The following CHEK2 variants were observed in gnomAD, a reference collection of about 807,000 sequenced individuals.
CHEK2 encodes the protein serine/threonine-protein kinase Chk2.
CHEK2 carries 71 observed loss-of-function variants against 69.1 expected under a neutral mutation model. The observed-to-expected ratio is 1.03, with a 90% CI of 0.85 to 1.25. The LOEUF is 1.25. CHEK2 is among the 50% of genes most tolerant of loss of function. CHEK2 has a pLI of 0.00. For missense variants in CHEK2, 664 were observed against 649.6 expected (o/e 1.02, Z -0.24); for synonymous variants, 189 against 226.9 (o/e 0.83, Z 1.50).
rs761306535 is a variant in CHEK2 at position 28,710,015 on chromosome 22, C to T, written c.837G>A (p.Lys279=). Residue 279 remains lysine, a synonymous_variant, in exon 7 of 15, where the codon AAG becomes AAA. Transcript: ENST00000404276. ...NVETEIEILK[K]LNHPCIIKIK... is the part of the protein sequence containing the mutation. Reference sequence around the variant, plus strand: ...ATATAATAATACTTACATGATTTAGCTTTTTCAAAATTTCTATTTCTGTTT... The same window carrying T: ...ATATAATAATACTTACATGATTTAGTTTTTTCAAAATTTCTATTTCTGTTT... 1 of 1,540,636 alleles carries T rather than the reference C, an allele frequency of 6.5e-7. No homozygotes were observed. The highest frequency in any genetic ancestry group is 1.1e-5 in the South Asian group (1 of 89,298).
chr22:28,710,023 A>G lies in CHEK2; in HGVS notation c.829T>C (p.Leu277=), dbSNP rs767199070. Residue 277 remains leucine (L), a synonymous_variant, in exon 7 of 15, where the codon TTG becomes CTG. Transcript: ENST00000404276. ...ATACTTACATGATTTAGCTTTTTCA[A>G]AATTTCTATTTCTGTTTCAACATTG... ...ALNVETEIEI[L]KKLNHPCIIK... is the part of the protein sequence containing the mutation. 2 of 1,551,882 alleles carry G rather than the reference A, an allele frequency of 1.3e-6. No homozygotes were observed. Among genetic ancestry groups the G allele is most frequent in the South Asian group, 2.2e-5 (2 of 89,610 alleles).
In CHEK2 at chr22:28,687,973, C is replaced by T. The variant is rs587780180; in HGVS notation, c.1556G>A (p.Arg519Gln). 3.6e-5 allele frequency: 57 copies of T among 1,595,820 alleles called. No individual in the cohort carries two copies. Among genetic ancestry groups the T allele is most frequent in the Non-Finnish European group, 4.5e-5 (53 of 1,179,474 alleles). ...GGCTTCCCCTTCACGGGGCCGCTTT[C>T]GACTAGTAGAAGGCTGAAAATAAAG... is the stretch of plus-strand genomic sequence containing the variant. ...PQVLAQPSTSRKRPREGEAEG... is the reference protein window; with the variant it reads ...PQVLAQPSTSQKRPREGEAEG... Residue 519 changes from arginine to glutamine, a missense_variant, in exon 15 of 15, where the codon CGA becomes CAA. Transcript: ENST00000404276.
chr22:28,691,128 G>A (rs1292578185), intron 13 of CHEK2, among the ~76,000 whole-genome samples: 1 of 152,120 alleles, frequency 6.6e-6, no homozygotes, highest in Non-Finnish European at 1.5e-5. Flanking sequence ...CCATCTCTTG[G>A]CAGCCCTTCA....
chr22:28,711,987 G>A lies in CHEK2; in HGVS notation c.714C>T (p.Phe238=), dbSNP rs864622322. ...SGACGEVKLA[F]ERKTCKKVAI... ...CTACTTTCTTACATGTTTTCCTCTCGAAAGCCAGCTTTACCTCTCCACAGG... is the reference window on the plus strand; with the variant it reads ...CTACTTTCTTACATGTTTTCCTCTCAAAAGCCAGCTTTACCTCTCCACAGG... The change falls in exon 6 of 15, where the codon TTC becomes TTT. Residue 238 remains phenylalanine (F), a synonymous_variant. Coordinates refer to ENST00000404276, the MANE Select transcript of CHEK2 (RefSeq NM_007194.4). The A allele has an allele frequency of 1.5e-5, 24 of 1,613,466 alleles. No individual in the cohort carries two copies. Among genetic ancestry groups the A allele is most frequent in the East Asian group, 1.1e-4 (5 of 44,840 alleles).
At chr22:28,722,961 CAT>C (rs1223212694) in intron 4 of CHEK2, among the ~76,000 whole-genome samples, 1 of 152,156 alleles carries the variant, frequency 6.6e-6, no homozygotes, top group Non-Finnish European at 1.5e-5. Context: ...GTCGCACACA[CAT>C]AGACACCCTC....
intron 1 of CHEK2, among the ~76,000 whole-genome samples, chr22:28,735,850 C>G (rs565090110): frequency 5.3e-5 from 8 of 151,390 alleles, no homozygotes; most frequent in Admixed American, 4.0e-4. Flanking sequence ...CCACTGCACT[C>G]CAGCCTGGGT....
intron 2 of CHEK2, among the ~76,000 whole-genome samples, chr22:28,731,619 A>C (rs1455658141): frequency 6.6e-6 from 1 of 152,048 alleles, no homozygotes; most frequent in Non-Finnish European, 1.5e-5. Context: ...AATAATAATG[A>C]TAAACAGTCT....
In CHEK2 at chr22:28,724,809, A is replaced by G. The variant is rs3788408; in HGVS notation, c.592+168T>C. ...TCGAACTCCTGACCTCAGGTGATCC[A>G]TCCGCCTCAGCCTCCCAAAGTGCTG... On this transcript the variant is annotated intron_variant, in intron 4 of 14. Transcript: ENST00000404276. 0.094 allele frequency: 67,794 copies of G among 721,986 alleles called. 3,674 individuals are homozygous for G. The highest frequency in any genetic ancestry group is 0.11 in the East Asian group (3,998 of 35,008). 44.7% of individuals were successfully genotyped at this position (721,986 alleles called of 1,614,324 possible). A position where few individuals can be genotyped will look rare whatever the true frequency, so the allele number is the denominator to read the frequency against.
rs11453597 is a variant in CHEK2 at position 28,707,830 on chromosome 22, C to CTTTTT, written c.846+2171_846+2175dup. On this transcript the variant is annotated intron_variant, in intron 7 of 14. Transcript: ENST00000404276. Reference sequence around the variant, plus strand: ...AAATTCCCTGAGCATTTGTGTTTATCTTTTTTTTTTTTTTTTTTTTTTGTG... The same window carrying CTTTTT: ...AAATTCCCTGAGCATTTGTGTTTATCTTTTTTTTTTTTTTTTTTTTTTTTTTTGTG... Among the ~76,000 whole-genome samples, 343 of 102,398 alleles carry CTTTTT rather than the reference C, an allele frequency of 3.3e-3. 3 individuals are homozygous for CTTTTT. The highest frequency in any genetic ancestry group is 7.4e-3 in the Middle Eastern group (1 of 136). 67.2% of individuals were successfully genotyped at this position (102,398 alleles called of 152,430 possible). A position where few individuals can be genotyped will look rare whatever the true frequency, so the allele number is the denominator to read the frequency against.
intron 1 of CHEK2, among the ~76,000 whole-genome samples, chr22:28,741,315 C>A (rs1026239925): frequency 6.6e-6 from 1 of 151,272 alleles, no homozygotes; most frequent in Non-Finnish European, 1.5e-5. Flanking sequence ...GCCCTCCTAC[C>A]CACTTCTGGC....
chr22:28,690,222 T>G (rs1357382816), intron 13 of CHEK2, among the ~76,000 whole-genome samples: 1 of 152,214 alleles, frequency 6.6e-6, no homozygotes, highest in Non-Finnish European at 1.5e-5. Context: ...TTGGGCATGG[T>G]GGCTCATGCC....
chr22:28,716,177 A>G (rs1325176897), intron 5 of CHEK2, among the ~76,000 whole-genome samples: 2 of 148,192 alleles, frequency 1.3e-5, no homozygotes, highest in Non-Finnish European at 3.0e-5. Context: ...CCAGCCTCAT[A>G]CATTTCTTTT....
intron 7 of CHEK2, chr22:28,709,046 C>T (rs529133259): frequency 1.1e-5 from 4 of 362,012 alleles, no homozygotes; most frequent in East Asian, 2.0e-4. Flanking sequence ...GAGTTTAATG[C>T]CATTGCCTAA....
At chr22:28,708,230 T>G (rs2053230865) in intron 7 of CHEK2, among the ~76,000 whole-genome samples, 2 of 152,002 alleles carry the variant, frequency 1.3e-5, no homozygotes, top group Admixed American at 6.6e-5. Flanking sequence ...GTGTGGCACA[T>G]GCCTATAGTC....
chr22:28,710,155 G>T, intron 6 of CHEK2, 96 bp from the exon 7 acceptor site: 1 of 818,316 alleles, frequency 1.2e-6, no homozygotes, highest in Non-Finnish European at 2.0e-6. Context: ...AAGGCTGCCT[G>T]AGTTCCAAAC....
chr22:28,695,260 G>A lies in CHEK2; in HGVS notation c.1260-18C>T, dbSNP rs1057521375. Reference sequence around the variant, plus strand: ...CACTAAGGCTTAATATTGGTAGAGAGAGAAAGGAAAAGAAATCAAGTGGCA... The same window carrying A: ...CACTAAGGCTTAATATTGGTAGAGAAAGAAAGGAAAAGAAATCAAGTGGCA... On this transcript the variant is annotated intron_variant, in intron 11 of 14. Transcript: ENST00000404276. 11 of 1,415,174 alleles carry A rather than the reference G, an allele frequency of 7.8e-6. No individual in the cohort carries two copies. The Admixed American group carries it at 1.2e-4, about 15-fold the overall frequency. The allele number at this position is 1,415,174 out of a possible 1,614,324, so 87.7% of individuals were successfully genotyped here. A position where few individuals can be genotyped will look rare whatever the true frequency, so the allele number is the denominator to read the frequency against.
rs186895303 is a variant in CHEK2, at chr22:28,736,547, C to T, written c.-6-1820G>A. On this transcript the variant is annotated intron_variant, in intron 1 of 14. Transcript: ENST00000404276. ...CTTTTCAGCATCCTAAATGGCCTTC[C>T]GGCCTTGATGTAATCTTGCAGGAAC... Among the ~76,000 whole-genome samples, 69 of 152,342 alleles carry T rather than the reference C, an allele frequency of 4.5e-4. 1 individual carries two copies. The highest frequency in any genetic ancestry group is 1.9e-3 in the South Asian group (9 of 4,832).
chr22:28,718,143 A>G (rs1016233627), intron 5 of CHEK2, among the ~76,000 whole-genome samples: 2 of 152,190 alleles, frequency 1.3e-5, no homozygotes, highest in Non-Finnish European at 2.9e-5. Context: ...CACCTCAAAC[A>G]CATCAAAAAT....
intron 5 of CHEK2, among the ~76,000 whole-genome samples, chr22:28,712,430 T>C (rs2053438361): frequency 1.3e-5 from 2 of 152,226 alleles, no homozygotes; most frequent in South Asian, 4.1e-4. Context: ...TGAATAACTT[T>C]AATGGATAAA....
Sources: allele counts gnomAD v4.1 joint callset (sites outside exome capture counted in the v4.1 genomes callset), GRCh38; gene constraint gnomAD v4.1.1; transcripts MANE v1.5; gene names NCBI Gene and HGNC (gene_info 2026-07-23, HGNC 2026-07-21).